The following TBC1D9B variants were observed in gnomAD, a reference collection of about 807,000 sequenced individuals.
The protein encoded by TBC1D9B is TBC1 domain family member 9B.
Under a neutral mutation model 121.1 loss-of-function variants are expected in TBC1D9B, and 87 were observed. The observed-to-expected ratio is 0.72, with a 90% CI of 0.60 to 0.86. The LOEUF (loss-of-function observed/expected upper bound fraction) is 0.86, where lower values mean the gene tolerates loss of function less well. Among genes scored for constraint, TBC1D9B ranks in the 40% least tolerant of loss-of-function variants. The probability of loss-of-function intolerance (pLI) is 0.00; values close to 1 mark genes in which losing one functional copy is unlikely to be tolerated. For synonymous variants in TBC1D9B, 668 were observed against 670.1 expected (o/e 1.00, Z 0.05); for missense variants, 1,540 against 1,628.6 (o/e 0.95, Z 0.94).
In TBC1D9B at chr5:179,880,021, C is replaced by G. The variant is rs547519783; in HGVS notation, c.1255-232G>C. On this transcript the variant is annotated intron_variant, in intron 7 of 20. Coordinates refer to ENST00000355235, the MANE Select transcript of TBC1D9B (RefSeq NM_015043.4). ...TCCTCAGTAATTAACCCCACTCTCA[C>G]CAGCGAGTCAGTCTCAGGGAGCGGG... 1.4e-4 allele frequency: 85 copies of G among 587,202 alleles called. No homozygotes were observed. In the Middle Eastern group the frequency reaches 3.2e-3, roughly 22 times the overall value. The allele number at this position is 587,202 out of a possible 1,614,324, so 36.4% of individuals were successfully genotyped here.
rs1760835997 is a variant in TBC1D9B at position 179,890,635 on chromosome 5, TTTAAG to T, written c.1044+739_1044+743del. ...GATTTGTGCAAATGGCAGGGAGGTC[TTTAAG>T]TTAAGAATCTCACTTGATTCTTCTT... On this transcript the variant is annotated intron_variant, in intron 6 of 20. Transcript: ENST00000355235. The surrounding 1 kb of genome is among the most constrained non-coding windows in gnomAD (Gnocchi z 5.0). 1.3e-5 allele frequency among the ~76,000 whole-genome samples: 2 copies of T among 152,222 alleles called. No individual in the cohort carries two copies. The highest frequency in any genetic ancestry group is 2.9e-5 in the Non-Finnish European group (2 of 68,028).
intron 10 of TBC1D9B, among the ~76,000 whole-genome samples, chr5:179,877,764 G>A (rs1042110768): frequency 1.3e-5 from 2 of 152,046 alleles, no homozygotes; most frequent in African/African-American, 4.8e-5. Context: ...ATATGACATG[G>A]ATGACCCTTG....
In TBC1D9B at chr5:179,863,730, G is replaced by A. The variant is rs750076934; in HGVS notation, c.3420C>T (p.Tyr1140=). Residue 1140 remains tyrosine (Y), a synonymous_variant, in exon 21 of 21, where the codon TAC becomes TAT. Coordinates refer to ENST00000355235, the MANE Select transcript of TBC1D9B (RefSeq NM_015043.4). The surrounding 1 kb of genome is among the most constrained non-coding windows in gnomAD (Gnocchi z 4.5). ...GCAGGGAGCCCGTGCTGACCACCGA[G>A]TAGGAGGACATGGACATGTCGTCTT... The part of the protein sequence containing the change: ...ETKDDMSMSS[Y]SVVSTGSLQC... 16 of 1,613,580 alleles carry A rather than the reference G, an allele frequency of 9.9e-6. No homozygotes were observed. The African/African-American group carries it at 1.5e-4, about 15-fold the overall frequency.
intron 2 of TBC1D9B, among the ~76,000 whole-genome samples, chr5:179,903,400 C>T (rs1194064153): frequency 6.6e-6 from 1 of 152,236 alleles, no homozygotes; most frequent in Admixed American, 6.5e-5. Flanking sequence ...GGACTTCCCT[C>T]CGCACTCTTG....
At chr5:179,889,455 A>AAGGTCTCACAGG (rs1760795854) in intron 6 of TBC1D9B, among the ~76,000 whole-genome samples, 1 of 151,846 alleles carries the variant, frequency 6.6e-6, no homozygotes, top group Non-Finnish European at 1.5e-5. Flanking sequence ...AGGCGCACAG[A>AAGGTCTCACAGG]AGGTCTCACA....
rs564080023 is a variant in TBC1D9B at position 179,902,584 on chromosome 5, G to A, written c.229+2118C>T. Among the ~76,000 whole-genome samples the A allele has an allele frequency of 6.7e-4, 102 of 152,306 alleles. No individual in the cohort carries two copies. Among genetic ancestry groups the A allele is most frequent in the African/African-American group, 2.4e-3 (99 of 41,570 alleles). ...CTACGTACATGGGCTCCGCTGCGTG[G>A]CTGTGGCTGGGCCCCTCCCCAGCAC... is the stretch of plus-strand genomic sequence containing the variant. On this transcript the variant is annotated intron_variant, in intron 2 of 20. Transcript: ENST00000355235. This position sits in a 1 kb window ranked among gnomAD's most constrained non-coding sequence, Gnocchi z 4.9.
chr5:179,904,944 G>A lies in TBC1D9B; in HGVS notation c.119-132C>T, dbSNP rs570199222. 1.5e-4 allele frequency: 99 copies of A among 642,372 alleles called. No individual in the cohort carries two copies. Among genetic ancestry groups the A allele is most frequent in the African/African-American group, 1.1e-3 (59 of 52,626 alleles). The allele number at this position is 642,372 out of a possible 1,614,324, so 39.8% of individuals were successfully genotyped here. On this transcript the variant is annotated intron_variant, in intron 1 of 20. Coordinates refer to ENST00000355235, the MANE Select transcript of TBC1D9B (RefSeq NM_015043.4). The surrounding 1 kb of genome is among the most constrained non-coding windows in gnomAD (Gnocchi z 4.2). ...GTCCAGCCCAACGAGGGAAACGTCC[G>A]GAATGACCCCTGCGGTCAAAGGCCT...
intron 2 of TBC1D9B, among the ~76,000 whole-genome samples, chr5:179,900,215 A>G (rs916700035): frequency 5.3e-5 from 8 of 152,176 alleles, no homozygotes; most frequent in Non-Finnish European, 8.8e-5. Flanking sequence ...AACAACACAC[A>G]AAACAAAAAC....
chr5:179,901,613 A>G (rs1761169154), intron 2 of TBC1D9B, among the ~76,000 whole-genome samples: 1 of 152,144 alleles, frequency 6.6e-6, no homozygotes, highest in Non-Finnish European at 1.5e-5. Context: ...GGCTGTCTCT[A>G]CAAAAAATAG....
At position 179,890,033 on chromosome 5, in the gene TBC1D9B, G is replaced by A. The variant is rs1303346108; in HGVS notation, c.1044+1346C>T. ...TGCTGTAGGGAGGAGGGAGAGGTCGGAATCTAGGCCGATACGTGGCTTTTA... is the reference window on the plus strand; with the variant it reads ...TGCTGTAGGGAGGAGGGAGAGGTCGAAATCTAGGCCGATACGTGGCTTTTA... On this transcript the variant is annotated intron_variant, in intron 6 of 20. Coordinates refer to ENST00000355235, the MANE Select transcript of TBC1D9B (RefSeq NM_015043.4). The surrounding 1 kb of genome is among the most constrained non-coding windows in gnomAD (Gnocchi z 5.0). 6.6e-6 allele frequency among the ~76,000 whole-genome samples: 1 copy of A among 152,088 alleles called. No homozygotes were observed. The highest frequency in any genetic ancestry group is 1.5e-5 in the Non-Finnish European group (1 of 68,024).
chr5:179,871,649 G>A (rs867212226), intron 14 of TBC1D9B, 119 bp from the exon 15 acceptor site: 3 of 1,054,946 alleles, frequency 2.8e-6, no homozygotes, highest in Non-Finnish European at 4.2e-6. Flanking sequence ...CCCTCTCAGT[G>A]GCCCAGCACT....
chr5:179,867,771 C>G lies in TBC1D9B; in HGVS notation c.2863+7G>C. 6.3e-7 allele frequency: 1 copy of G among 1,584,702 alleles called. No homozygotes were observed. Among genetic ancestry groups the G allele is most frequent in the Non-Finnish European group, 8.6e-7 (1 of 1,163,502 alleles). On this transcript the variant is annotated splice_region_variant and intron_variant, in intron 18 of 20. Coordinates refer to ENST00000355235, the MANE Select transcript of TBC1D9B (RefSeq NM_015043.4). ...TGGGCATGTCGGGTGTTCCAGTGGC[C>G]GCTCACCTTCTGAGGAGCTGTCCTC...
chr5:179,906,592 A>C (rs569162493), intron 1 of TBC1D9B, among the ~76,000 whole-genome samples: 1 of 152,260 alleles, frequency 6.6e-6, no homozygotes, highest in East Asian at 1.9e-4. Context: ...GGTTAGCCAC[A>C]GGGGCTGCCG....
intron 20 of TBC1D9B, 133 bp from the exon 21 acceptor site, chr5:179,864,261 T>C: frequency 1.1e-6 from 1 of 875,040 alleles, no homozygotes; most frequent in East Asian, 2.7e-5. Context: ...TCCATGAGCC[T>C]CATCAGTCCC....
At chr5:179,898,864 A>C (rs1761084393) in intron 3 of TBC1D9B, among the ~76,000 whole-genome samples, 1 of 152,260 alleles carries the variant, frequency 6.6e-6, no homozygotes, top group Non-Finnish European at 1.5e-5. Context: ...TATAAAAAAC[A>C]ACTCAAAATA....
rs773763048 is a variant in TBC1D9B at position 179,891,535 on chromosome 5, C to T, written c.888G>A (p.Leu296=). ...KNECYRATFR[L]PRDERLDGHT... ...GGCCGTCTAGCCGCTCATCCCTGGG[C>T]AGCCGGAACGTGGCTCGGTAGCACT... The change falls in exon 6 of 21, where the codon CTG becomes CTA. Residue 296 remains leucine, a synonymous_variant. Transcript: ENST00000355235. This position sits in a 1 kb window ranked among gnomAD's most constrained non-coding sequence, Gnocchi z 4.3. 6.2e-7 allele frequency: 1 copy of T among 1,613,922 alleles called. No individual in the cohort carries two copies. Among genetic ancestry groups the T allele is most frequent in the East Asian group, 2.2e-5 (1 of 44,878 alleles).
At chr5:179,884,942 T>C (rs248218) in intron 7 of TBC1D9B, among the ~76,000 whole-genome samples, 64,393 of 151,926 alleles carry the variant, frequency 0.42, 14,647 homozygotes, top group East Asian at 0.77. Flanking sequence ...GGTGATGGCA[T>C]AGCAATGTCA....
In TBC1D9B at chr5:179,862,613, C is replaced by T. The variant is rs912812617; in HGVS notation, c.*835G>A. ...ACCTGGCAGACCTTGCACTCTTCCA[C>T]CCACTGTGGAGGACTAAGTGTCTTG... is the stretch of plus-strand genomic sequence containing the variant. On this transcript the variant is annotated 3_prime_UTR_variant, in exon 21 of 21. Transcript: ENST00000355235. 4 of 456,418 alleles carry T rather than the reference C, an allele frequency of 8.8e-6. No individual in the cohort carries two copies. Among genetic ancestry groups the T allele is most frequent in the African/African-American group, 8.0e-5 (4 of 50,094 alleles). 28.3% of individuals were successfully genotyped at this position (456,418 alleles called of 1,614,324 possible).
intron 7 of TBC1D9B, among the ~76,000 whole-genome samples, chr5:179,881,301 C>T (rs1465429323): frequency 4.6e-5 from 7 of 152,196 alleles, no homozygotes; most frequent in African/African-American, 1.7e-4. Flanking sequence ...CCTCCAAAAC[C>T]ACTTGCCATC....
Sources: gnomAD v4.1 joint callset for allele counts (sites outside exome capture counted in the v4.1 genomes callset) on GRCh38, gnomAD v4.1.1 for gene constraint, Gnocchi (gnomAD v3.1) non-coding constraint, MANE v1.5 for transcripts, NCBI Gene and HGNC (gene_info 2026-07-23, HGNC 2026-07-21) for gene names.